Variants in LRP1B observed in about 807,000 individuals in gnomAD.
LRP1B encodes the protein LDL receptor related protein 1B.
LRP1B carries 217 observed loss-of-function variants against 556.6 expected under a neutral mutation model. The observed-to-expected ratio is 0.39, with a 90% CI of 0.35 to 0.44. The LOEUF is 0.44. Ranked by LOEUF, LRP1B falls within the 20% of genes least tolerant of loss-of-function variation. The pLI is 1.00. For missense variants in LRP1B, 5,053 were observed against 5,620.8 expected, an observed-to-expected ratio of 0.90 and a Z score of 3.23; for synonymous variants, 2,047 against 1,865.8, an observed-to-expected ratio of 1.10 and a Z score of -2.50.
intron 41 of LRP1B, among the ~76,000 whole-genome samples, chr2:140,663,351 G>A (rs1218206637): frequency 6.7e-6 from 1 of 148,606 alleles, no homozygotes; most frequent in Non-Finnish European, 1.5e-5. Context: ...AGTGAATCAT[G>A]CCAAGATCCA....
At chr2:140,429,988 A>G (rs993814219) in intron 66 of LRP1B, among the ~76,000 whole-genome samples, 1 of 152,096 alleles carries the variant, frequency 6.6e-6, no homozygotes, top group Non-Finnish European at 1.5e-5. Context: ...CCGGACTTCA[A>G]TCCGGCCTCC....
chr2:141,013,744 A>G lies in LRP1B; in HGVS notation c.2192T>C (p.Ile731Thr), dbSNP rs763229088. The part of the protein sequence containing the change: ...KVFLNGTHRK[I>T]VYSGRELNHP... ...GTTCAACTCTCTCCCACTGTAAACA[A>G]TCTGTAAAATATAAACACATTGTGA... Residue 731 changes from isoleucine to threonine, a missense_variant and splice_region_variant, in exon 14 of 91, where the codon ATT becomes ACT. Coordinates refer to ENST00000389484, the MANE Select transcript of LRP1B (RefSeq NM_018557.3). 2.6e-6 allele frequency: 4 copies of G among 1,551,132 alleles called. No individual in the cohort carries two copies. The highest frequency in any genetic ancestry group is 3.5e-6 in the Non-Finnish European group (4 of 1,151,192).
intron 31 of LRP1B, among the ~76,000 whole-genome samples, chr2:140,816,847 T>G (rs1218152442): frequency 6.6e-6 from 1 of 152,126 alleles, no homozygotes; most frequent in Non-Finnish European, 1.5e-5. Context: ...AATGCAAATG[T>G]TTTTGCATCA....
intron 1 of LRP1B, among the ~76,000 whole-genome samples, chr2:141,962,681 C>G (rs191714672): frequency 1.3e-5 from 2 of 151,842 alleles, no homozygotes; most frequent in Admixed American, 1.3e-4. Flanking sequence ...CTCAATTACA[C>G]TAAAAAGGCC....
At chr2:141,477,297 G>GA (rs113202103) in intron 3 of LRP1B, among the ~76,000 whole-genome samples, 44,326 of 143,462 alleles carry the variant, frequency 0.31, 7,777 homozygotes, top group Non-Finnish European at 0.4. Flanking sequence ...GAATTGTTCT[G>GA]GAAAAAAAAA....
At chr2:141,308,580 A>G (rs772896661) in intron 3 of LRP1B, among the ~76,000 whole-genome samples, 3 of 152,234 alleles carry the variant, frequency 2.0e-5, no homozygotes, top group Non-Finnish European at 4.4e-5. Flanking sequence ...CAGACTACCT[A>G]GTACTGCCTA....
chr2:140,932,541 T>C (rs879373379), intron 20 of LRP1B, among the ~76,000 whole-genome samples: 1 of 152,072 alleles, frequency 6.6e-6, no homozygotes, highest in Non-Finnish European at 1.5e-5. Context: ...TAAATATTGT[T>C]TGTGATTCAC....
At chr2:141,283,563 G>A (rs1374454093) in intron 3 of LRP1B, among the ~76,000 whole-genome samples, 9 of 151,262 alleles carry the variant, frequency 5.9e-5, no homozygotes, top group Non-Finnish European at 1.2e-4. Flanking sequence ...TAGGGGAAAC[G>A]AGAATGGAAA....
chr2:141,818,815 C>T lies in LRP1B; in HGVS notation c.83-8414G>A, dbSNP rs112730988. On this transcript the variant is annotated intron_variant, in intron 1 of 90. Transcript: ENST00000389484. ...CCTCCCAGAGTACTGGGACTACAGGCGTGAGCTACCGCACCTGGATAACAT... is the reference window on the plus strand; with the variant it reads ...CCTCCCAGAGTACTGGGACTACAGGTGTGAGCTACCGCACCTGGATAACAT... Among the ~76,000 whole-genome samples, 332 of 151,614 alleles carry T rather than the reference C, an allele frequency of 2.2e-3. 1 individual carries two copies. Among genetic ancestry groups the T allele is most frequent in the African/African-American group, 7.5e-3 (310 of 41,414 alleles).
chr2:140,486,532 T>C (rs955636785), intron 58 of LRP1B, among the ~76,000 whole-genome samples: 5 of 151,896 alleles, frequency 3.3e-5, no homozygotes, highest in African/African-American at 1.2e-4. Context: ...TTTAAAGTAG[T>C]AATGGAATAG....
chr2:140,519,063 C>A (rs1353084436), intron 49 of LRP1B, among the ~76,000 whole-genome samples: 1 of 152,122 alleles, frequency 6.6e-6, no homozygotes. Flanking sequence ...GCAATGCCAT[C>A]CCCATCAAGC....
At position 140,984,537 on chromosome 2, in the gene LRP1B, C is replaced by T. The variant is rs564354706; in HGVS notation, c.2771-2261G>A. Among the ~76,000 whole-genome samples the T allele has an allele frequency of 1.3e-4, 20 of 152,114 alleles. No individual in the cohort carries two copies. The South Asian group carries it at 3.9e-3, about 30-fold the overall frequency. On this transcript the variant is annotated intron_variant, in intron 17 of 90. Transcript: ENST00000389484. ...CTTGCCTAATAATTCAGGTTTAATT[C>T]TAGCAAAGTTTTATCAGATTGTTTT...
intron 5 of LRP1B, among the ~76,000 whole-genome samples, chr2:141,240,818 T>G (rs1683840032): frequency 6.6e-6 from 1 of 152,092 alleles, no homozygotes; most frequent in Non-Finnish European, 1.5e-5. Context: ...TCAGCCAGAT[T>G]GCAATAAAAA....
chr2:141,169,027 T>C (rs1368088470), intron 7 of LRP1B, among the ~76,000 whole-genome samples: 1 of 151,992 alleles, frequency 6.6e-6, no homozygotes, highest in African/African-American at 2.4e-5. Context: ...GGCTCAGGCC[T>C]ATAATCCCAG....
At chr2:141,303,859 T>C (rs538437680) in intron 3 of LRP1B, among the ~76,000 whole-genome samples, 2 of 152,316 alleles carry the variant, frequency 1.3e-5, no homozygotes, top group East Asian at 3.9e-4. Context: ...ATACTGGCTG[T>C]ACTAATTTAC....
intron 2 of LRP1B, among the ~76,000 whole-genome samples, chr2:141,592,644 A>G (rs1349535823): frequency 6.6e-6 from 1 of 152,170 alleles, no homozygotes; most frequent in Admixed American, 6.6e-5. Flanking sequence ...CTTGTGACTT[A>G]GGACTTCCCT....
intron 7 of LRP1B, among the ~76,000 whole-genome samples, chr2:141,075,556 T>A (rs1699765017): frequency 6.6e-6 from 1 of 152,204 alleles, no homozygotes; most frequent in Non-Finnish European, 1.5e-5. Flanking sequence ...ATGCTCAATA[T>A]ACGTGATTCA....
At chr2:140,874,927 G>A (rs1023022277) in intron 25 of LRP1B, among the ~76,000 whole-genome samples, 6 of 151,880 alleles carry the variant, frequency 4.0e-5, no homozygotes, top group Non-Finnish European at 5.9e-5. Context: ...GCTGAGGCGG[G>A]AGAATTGCTT....
At position 140,335,864 on chromosome 2, in the gene LRP1B, A is replaced by G. The variant is rs747401847; in HGVS notation, c.11893-26T>C. ...CTACAAGGAAACAAAACAACACACC[A>G]CGGTATTTTCAACAGGAAATTAGCG... On this transcript the variant is annotated intron_variant, in intron 77 of 90. Coordinates refer to ENST00000389484, the MANE Select transcript of LRP1B (RefSeq NM_018557.3). 6 of 1,413,918 alleles carry G rather than the reference A, an allele frequency of 4.2e-6. No homozygotes were observed. In the African/African-American group the frequency reaches 8.5e-5, roughly 20 times the overall value. 87.6% of individuals were successfully genotyped at this position (1,413,918 alleles called of 1,614,324 possible).
Sources: allele counts gnomAD v4.1 joint callset (sites outside exome capture counted in the v4.1 genomes callset), GRCh38; gene constraint gnomAD v4.1.1; transcripts MANE v1.5; gene names NCBI Gene and HGNC (gene_info 2026-07-23, HGNC 2026-07-21).